The following SNTB1 variants were observed in gnomAD, a reference collection of about 807,000 sequenced individuals.
The protein encoded by SNTB1 is syntrophin beta 1, also known as beta-1-syntrophin.
Under a neutral mutation model 48.9 loss-of-function variants are expected in SNTB1, and 36 were observed. The ratio of observed to expected loss-of-function variants is 0.74; its 90% CI spans 0.56 to 0.97. The LOEUF (loss-of-function observed/expected upper bound fraction) is 0.97, where lower values mean the gene tolerates loss of function less well. Ranked by LOEUF, SNTB1 falls within the 50% of genes least tolerant of loss-of-function variation. The pLI is 0.00. For synonymous variants in SNTB1, 299 were observed against 294.6 expected, an observed-to-expected ratio of 1.01 and a Z score of -0.15; for missense variants, 786 against 703.4, an observed-to-expected ratio of 1.12 and a Z score of -1.33.
rs781562066 is a variant in SNTB1, at chr8:120,790,136, C to T, written c.571+21137G>A. ...TCACAAGAACAATTAAAAACAAAAG[C>T]CTTATGAACATTTCCATAGACACAG... On this transcript the variant is annotated intron_variant, in intron 1 of 6. Transcript: ENST00000517992. Among the ~76,000 whole-genome samples the T allele has an allele frequency of 8.6e-5, 13 of 151,820 alleles. 2 individuals are homozygous for T. Among genetic ancestry groups the T allele is most frequent in the Non-Finnish European group, 1.8e-4 (12 of 67,808 alleles).
intron 4 of SNTB1, among the ~76,000 whole-genome samples, chr8:120,555,439 T>C (rs575067287): frequency 6.6e-6 from 1 of 152,336 alleles, no homozygotes; most frequent in East Asian, 1.9e-4. Context: ...AATCTTCTTA[T>C]GCAAATGGAC....
intron 2 of SNTB1, among the ~76,000 whole-genome samples, chr8:120,661,214 G>C (rs1055334424): frequency 1.3e-5 from 2 of 151,842 alleles, no homozygotes; most frequent in African/African-American, 4.8e-5. Flanking sequence ...AAAAGAGTAT[G>C]TGCAAAGTAC....
intron 1 of SNTB1, among the ~76,000 whole-genome samples, chr8:120,740,162 T>G (rs775017043): frequency 6.6e-6 from 1 of 152,152 alleles, no homozygotes; most frequent in Admixed American, 6.5e-5. Context: ...TCTTATATAT[T>G]TGGCTGAAGA....
chr8:120,561,562 A>T (rs1019255259), intron 4 of SNTB1, among the ~76,000 whole-genome samples: 1 of 152,106 alleles, frequency 6.6e-6, no homozygotes, highest in African/African-American at 2.4e-5. Flanking sequence ...TACTTTTTAA[A>T]TAATTTTTTG....
chr8:120,730,606 A>C (rs1203892066), intron 1 of SNTB1, among the ~76,000 whole-genome samples: 2 of 152,232 alleles, frequency 1.3e-5, no homozygotes, highest in African/African-American at 4.8e-5. Context: ...CGTCTCTTCA[A>C]AATGATTTAA....
At chr8:120,810,641 C>CA (rs1442729675) in intron 1 of SNTB1, among the ~76,000 whole-genome samples, 2 of 152,202 alleles carry the variant, frequency 1.3e-5, no homozygotes, top group Non-Finnish European at 2.9e-5. Context: ...AAAACTGCAA[C>CA]ATATTCCCCG....
chr8:120,609,946 C>A (rs773087016), intron 3 of SNTB1, among the ~76,000 whole-genome samples: 1 of 152,202 alleles, frequency 6.6e-6, no homozygotes, highest in Non-Finnish European at 1.5e-5. Context: ...AAGGGTACCA[C>A]AGGTGAGATT....
chr8:120,811,812 C>T lies in SNTB1; in HGVS notation c.32G>A (p.Gly11Glu), dbSNP rs1307897717. ...CCGGCCGCCTCCCGCGCCAGCCGGC[C>T]CAGCCGCCGCCGCCGCCGCCGCTAC... MAVAAAAAAA[G>E]PAGAGGGRAQ... The change falls in exon 1 of 7, where the codon GGG (glycine) becomes GAG (glutamate). Residue 11 changes from glycine to glutamate, a missense_variant. Gly to Glu is a moderately conservative substitution (Grantham distance 98, BLOSUM62 -2). Coordinates refer to ENST00000517992, the MANE Select transcript of SNTB1 (RefSeq NM_021021.4). The T allele has an allele frequency of 7.3e-7, 1 of 1,362,584 alleles. No homozygotes were observed. Among genetic ancestry groups the T allele is most frequent in the Middle Eastern group, 2.1e-4 (1 of 4,696 alleles). 84.4% of individuals were successfully genotyped at this position (1,362,584 alleles called of 1,614,324 possible). A position where few individuals can be genotyped will look rare whatever the true frequency, so the allele number is the denominator to read the frequency against.
chr8:120,629,019 A>G (rs1301550619), intron 3 of SNTB1, among the ~76,000 whole-genome samples: 1 of 152,106 alleles, frequency 6.6e-6, no homozygotes, highest in Non-Finnish European at 1.5e-5. Flanking sequence ...ATCAAGTTCC[A>G]GTCGAGGTGT....
intron 1 of SNTB1, among the ~76,000 whole-genome samples, chr8:120,733,210 GTTTC>G (rs1463728460): frequency 1.3e-5 from 2 of 152,208 alleles, no homozygotes; most frequent in African/African-American, 4.8e-5. Flanking sequence ...TGAGTAGTCT[GTTTC>G]TTTCCTCCTC....
At chr8:120,630,375 T>G (rs1184712743) in intron 3 of SNTB1, among the ~76,000 whole-genome samples, 2 of 152,218 alleles carry the variant, frequency 1.3e-5, no homozygotes, top group Admixed American at 1.3e-4. Context: ...AGGTAACTGC[T>G]GCTTCTCCTT....
chr8:120,748,326 A>G (rs1317666759), intron 1 of SNTB1, among the ~76,000 whole-genome samples: 1 of 152,078 alleles, frequency 6.6e-6, no homozygotes, highest in Non-Finnish European at 1.5e-5. Flanking sequence ...ATATATATCT[A>G]TCCACATAAA....
intron 4 of SNTB1, among the ~76,000 whole-genome samples, chr8:120,562,037 T>C (rs1815669021): frequency 6.6e-6 from 1 of 152,186 alleles, no homozygotes; most frequent in African/African-American, 2.4e-5. Context: ...GCCAACAAGT[T>C]CATTAACCTC....
chr8:120,678,725 A>G (rs940864514), intron 2 of SNTB1, among the ~76,000 whole-genome samples: 2 of 152,166 alleles, frequency 1.3e-5, no homozygotes, highest in Non-Finnish European at 2.9e-5. Context: ...TGTATTATAC[A>G]TATCAGACCT....
intron 2 of SNTB1, among the ~76,000 whole-genome samples, chr8:120,693,080 G>A (rs909215857): frequency 6.6e-6 from 1 of 152,096 alleles, no homozygotes; most frequent in South Asian, 2.1e-4. Flanking sequence ...GGAAGAGAGG[G>A]AGCAAGAAAG....
At position 120,764,298 on chromosome 8, in the gene SNTB1, A is replaced by T. The variant is rs151334416; in HGVS notation, c.571+46975T>A. ...AGCTTCTCAAGTATGACTTGGAAAG[A>T]TATCCAAGAAATACTCTTAAGTGAA... On this transcript the variant is annotated intron_variant, in intron 1 of 6. Coordinates refer to ENST00000517992, the MANE Select transcript of SNTB1 (RefSeq NM_021021.4). Among the ~76,000 whole-genome samples, 116 of 152,358 alleles carry T rather than the reference A, an allele frequency of 7.6e-4. 1 individual carries two copies. Among genetic ancestry groups the T allele is most frequent in the African/African-American group, 2.6e-3 (109 of 41,594 alleles).
intron 2 of SNTB1, among the ~76,000 whole-genome samples, chr8:120,673,268 CT>C (rs1160102860): frequency 1.3e-5 from 2 of 151,818 alleles, no homozygotes; most frequent in Non-Finnish European, 2.9e-5. Context: ...CCTCTGCAGA[CT>C]TTGTTTTCCC....
chr8:120,608,753 C>T (rs1051605204), intron 3 of SNTB1, among the ~76,000 whole-genome samples: 1 of 152,064 alleles, frequency 6.6e-6, no homozygotes, highest in Non-Finnish European at 1.5e-5. Context: ...CAGGAGAACA[C>T]ATTTTGGAAG....
rs1382556427 is a variant in SNTB1, at chr8:120,561,341, GAAA to G, written c.1137-12386_1137-12384del. Among the ~76,000 whole-genome samples the G allele has an allele frequency of 1.8e-4, 12 of 67,386 alleles. No homozygotes were observed. The South Asian group carries it at 5.4e-3, about 30-fold the overall frequency. The allele number at this position is 67,386 out of a possible 152,430, so 44.2% of individuals were successfully genotyped here. A position where few individuals can be genotyped will look rare whatever the true frequency, so the allele number is the denominator to read the frequency against. On this transcript the variant is annotated intron_variant, in intron 4 of 6. Transcript: ENST00000517992. Reference sequence around the variant, plus strand: ...TCTCAAAAAAAAAAAAAAAAAAAAAGAAAAAAAGAAAAAAAAGAAACTTGAAAG... The same window carrying G: ...TCTCAAAAAAAAAAAAAAAAAAAAAGAAAAGAAAAAAAAGAAACTTGAAAG...
Sources: gnomAD v4.1 joint callset for allele counts (sites outside exome capture counted in the v4.1 genomes callset) on GRCh38, gnomAD v4.1.1 for gene constraint, MANE v1.5 for transcripts, NCBI Gene and HGNC (gene_info 2026-07-23, HGNC 2026-07-21) for gene names.